Variants in HDAC9 observed in about 807,000 individuals in gnomAD.
HDAC9 encodes histone deacetylase 9, also known as MEF-2 interacting transcription repressor (MITR) protein.
HDAC9 carries 41 observed loss-of-function variants against 139.4 expected under a neutral mutation model. The observed-to-expected ratio is 0.29, with a 90% CI of 0.23 to 0.38. HDAC9 has a LOEUF of 0.38. Among genes scored for constraint, HDAC9 ranks in the 10% least tolerant of loss-of-function variants. The pLI, the probability that HDAC9 is intolerant of heterozygous loss-of-function variation, is 1.00. For synonymous variants in HDAC9, 517 were observed against 476.2 expected, an observed-to-expected ratio of 1.09 and a Z score of -1.12; for missense variants, 1,147 against 1,297.0, an observed-to-expected ratio of 0.88 and a Z score of 1.78.
At chr7:18,849,734 G>A (rs185409465) in intron 21 of HDAC9, among the ~76,000 whole-genome samples, 21 of 152,086 alleles carry the variant, frequency 1.4e-4, no homozygotes, top group Non-Finnish European at 1.6e-4. Flanking sequence ...AAAAAGGGGA[G>A]AATTTCCATT....
chr7:18,350,526 TTAAGCTACTTTA>T (rs1278349013), intron 1 of HDAC9, among the ~76,000 whole-genome samples: 4 of 152,190 alleles, frequency 2.6e-5, no homozygotes, highest in Non-Finnish European at 5.9e-5. Context: ...TCTCCTTATT[TTAAGCTACTTTA>T]GAAAATAGTA....
chr7:18,845,008 C>G (rs1796818210), intron 21 of HDAC9, among the ~76,000 whole-genome samples: 1 of 152,048 alleles, frequency 6.6e-6, no homozygotes, highest in Admixed American at 6.6e-5. Context: ...CGGACAGGAA[C>G]AGAGATAATA....
intron 3 of HDAC9, among the ~76,000 whole-genome samples, chr7:18,589,712 G>A (rs534431098): frequency 5.3e-5 from 8 of 152,226 alleles, no homozygotes; most frequent in African/African-American, 1.7e-4. Context: ...TGTGCTGAAT[G>A]AAAGAATAAA....
chr7:18,424,361 A>G (rs923370046), intron 1 of HDAC9, among the ~76,000 whole-genome samples: 3 of 152,222 alleles, frequency 2.0e-5, no homozygotes, highest in Non-Finnish European at 4.4e-5. Context: ...ACTCATTTGT[A>G]TAATGAAAAT....
intron 17 of HDAC9, among the ~76,000 whole-genome samples, chr7:18,800,819 C>A (rs140133335): frequency 2.0e-5 from 3 of 151,846 alleles, no homozygotes; most frequent in East Asian, 3.9e-4. Context: ...GAAGACAGAG[C>A]GAGGCCTTGT....
At chr7:18,396,383 G>A (rs1787062498) in intron 1 of HDAC9, among the ~76,000 whole-genome samples, 1 of 152,126 alleles carries the variant, frequency 6.6e-6, no homozygotes, top group Non-Finnish European at 1.5e-5. Flanking sequence ...CTGTAGAAGG[G>A]TGGAGGGATA....
chr7:18,613,681 T>C (rs928602757), intron 6 of HDAC9, among the ~76,000 whole-genome samples: 4 of 152,194 alleles, frequency 2.6e-5, no homozygotes, highest in African/African-American at 9.6e-5. Context: ...TTATTGAGCA[T>C]TTATTCTAAA....
chr7:18,658,899 C>CAAAAAAAAAA (rs11306117), intron 11 of HDAC9, among the ~76,000 whole-genome samples: 3 of 118,146 alleles, frequency 2.5e-5, no homozygotes, highest in Non-Finnish European at 3.9e-5. Context: ...AAAAAAAAAG[C>CAAAAAAAAAA]AAAAAAAAAA....
intron 21 of HDAC9, among the ~76,000 whole-genome samples, 155 bp downstream of exon 21, chr7:18,836,152 A>C (rs1438660579): frequency 1.3e-5 from 2 of 152,160 alleles, no homozygotes; most frequent in Non-Finnish European, 2.9e-5. Context: ...ATCTATCAAG[A>C]CCTGGTTTTG....
chr7:18,597,347 T>C (rs187202320), intron 6 of HDAC9, among the ~76,000 whole-genome samples: 1 of 152,322 alleles, frequency 6.6e-6, no homozygotes, highest in East Asian at 1.9e-4. Flanking sequence ...TCTAGAATTA[T>C]ACATTGTAAT....
intron 1 of HDAC9, among the ~76,000 whole-genome samples, chr7:18,142,348 C>G (rs111297178): frequency 3.3e-5 from 5 of 152,258 alleles, no homozygotes; most frequent in African/African-American, 4.8e-5. Context: ...CCCCAGGGAG[C>G]CCCTCACTTC....
chr7:18,405,190 A>T (rs1787897422), intron 1 of HDAC9, among the ~76,000 whole-genome samples: 1 of 152,232 alleles, frequency 6.6e-6, no homozygotes, highest in Non-Finnish European at 1.5e-5. Context: ...ATTTGAGGAC[A>T]TGCTGTACAT....
chr7:18,093,332 A>G (rs1486099475), intron 1 of HDAC9, among the ~76,000 whole-genome samples: 2 of 152,194 alleles, frequency 1.3e-5, no homozygotes, highest in Non-Finnish European at 2.9e-5. Flanking sequence ...TACACATCCC[A>G]TACTCACAAG....
At position 18,363,852 on chromosome 7, in the gene HDAC9, G is replaced by A. The variant is rs571174072; in HGVS notation, c.-42+73337G>A. Among the ~76,000 whole-genome samples, 3 of 152,028 alleles carry A rather than the reference G, an allele frequency of 2.0e-5. No homozygotes were observed. The South Asian group carries it at 6.2e-4, about 32-fold the overall frequency. ...ATTGTATTATTTGGTCCAATGACTT[G>A]CATTGAAAGGATACTGACTGCCCCA... On this transcript the variant is annotated intron_variant, in intron 1 of 3. Transcript: ENST00000413509.
At chr7:18,876,857 C>G (rs930309608) in intron 22 of HDAC9, among the ~76,000 whole-genome samples, 18 of 152,018 alleles carry the variant, frequency 1.2e-4, no homozygotes, top group Non-Finnish European at 5.9e-5. Flanking sequence ...CATGTGCCAC[C>G]ATGCCTGGCT....
At chr7:18,495,747 G>C, upstream of HDAC9, 1 of 990,116 alleles carries the variant, frequency 1.0e-6, no homozygotes, top group Non-Finnish European at 1.2e-6. Context: ...CTGAGAAAGG[G>C]GGAAGAGAGG....
At chr7:18,111,150 G>A (rs765543761) in intron 1 of HDAC9, among the ~76,000 whole-genome samples, 19 of 152,326 alleles carry the variant, frequency 1.2e-4, no homozygotes, top group Admixed American at 3.9e-4. Flanking sequence ...TTACAGCTTA[G>A]TGGGAGAGAC....
chr7:18,886,693 A>G (rs971268191), intron 22 of HDAC9, among the ~76,000 whole-genome samples: 6 of 152,180 alleles, frequency 3.9e-5, no homozygotes, highest in South Asian at 2.1e-4. Context: ...TTAGATTTCT[A>G]TTTTATATTT....
intron 15 of HDAC9, 42 bp from the exon 16 acceptor site, chr7:18,767,064 A>G: frequency 1.1e-6 from 1 of 925,150 alleles, no homozygotes; most frequent in Non-Finnish European, 1.6e-6. Flanking sequence ...AAATTATATA[A>G]CCTCCATTTA....
Sources: allele counts gnomAD v4.1 joint callset (sites outside exome capture counted in the v4.1 genomes callset), GRCh38; gene constraint gnomAD v4.1.1; transcripts MANE v1.5; gene names NCBI Gene and HGNC (gene_info 2026-07-23, HGNC 2026-07-21).